The following MX1 variants were observed in gnomAD, a reference collection of about 807,000 sequenced individuals.
MX1 encodes MX dynamin like GTPase 1.
MX1 carries 66 observed loss-of-function variants against 66.4 expected under a neutral mutation model. The observed-to-expected ratio is 0.99, with a 90% CI of 0.82 to 1.22. MX1 has a LOEUF of 1.22. Ranked by LOEUF, MX1 falls within the 50% of genes most tolerant of loss-of-function variation. MX1 has a pLI of 0.00. For synonymous variants in MX1, 311 were observed against 318.1 expected (o/e 0.98, Z 0.24); for missense variants, 787 against 834.3 (o/e 0.94, Z 0.70).
Position 41,441,827 on chromosome 21 carries a change from G to A in MX1, c.842G>A (p.Arg281Gln), listed in dbSNP as rs767203143. The change falls in exon 10 of 17, where the codon CGG becomes CAG. Residue 281 changes from arginine (R) to glutamine (Q), a missense_variant. Physicochemically the swap from Arg to Gln is conservative, Grantham distance 43 (BLOSUM62 1). Coordinates refer to ENST00000398598, the MANE Select transcript of MX1 (RefSeq NM_002462.5). This position sits in a 1 kb window ranked among gnomAD's most constrained non-coding sequence, Gnocchi z 4.0. ...LKKGYMIVKCRGQQEIQDQLS... is the reference protein window; with the variant it reads ...LKKGYMIVKCQGQQEIQDQLS... ...AAGGGTTACATGATTGTCAAGTGCC[G>A]GGGCCAGCAGGAGATCCAGGACCAG... The A allele has an allele frequency of 1.7e-5, 28 of 1,614,060 alleles. No individual in the cohort carries two copies. Among genetic ancestry groups the A allele is most frequent in the African/African-American group, 1.2e-4 (9 of 74,924 alleles).
chr21:41,458,482 T>G, intron 16 of MX1, 46 bp from the exon 17 acceptor site: 1 of 1,609,548 alleles, frequency 6.2e-7, no homozygotes, highest in Non-Finnish European at 8.5e-7. Flanking sequence ...AGTCCCCTCC[T>G]CACAGTGTCC....
chr21:41,428,638 G>T, intron 3 of MX1: 1 of 152,218 alleles, frequency 6.6e-6, no homozygotes, highest in Non-Finnish European at 1.5e-5. Flanking sequence ...CGTGCCACTG[G>T]GTCCTTATTC....
At chr21:41,425,477 T>C (rs2146029077), upstream of MX1, among the ~76,000 whole-genome samples, 2 of 152,298 alleles carry the variant, frequency 1.3e-5, no homozygotes, top group Non-Finnish European at 2.9e-5. Flanking sequence ...CTGTTTTTAC[T>C]TCTTTTGTGG....
intron 14 of MX1, 66 bp from the exon 15 acceptor site, chr21:41,451,101 T>C (rs945423604): frequency 1.7e-5 from 18 of 1,072,502 alleles, no homozygotes; most frequent in Non-Finnish European, 2.4e-5. Flanking sequence ...CCTCATATTT[T>C]TTTGCATCTT....
At chr21:41,440,465 C>A (rs1049036657) in intron 8 of MX1, among the ~76,000 whole-genome samples, 1 of 152,128 alleles carries the variant, frequency 6.6e-6, no homozygotes, top group African/African-American at 2.4e-5. Flanking sequence ...GGCAACAGAG[C>A]AAGAATCTGT....
intron 16 of MX1, among the ~76,000 whole-genome samples, chr21:41,454,468 C>G (rs1298709498): frequency 1.3e-5 from 2 of 152,140 alleles, no homozygotes; most frequent in Non-Finnish European, 2.9e-5. Context: ...TTCAGATTTT[C>G]AGGTTTCTCT....
chr21:41,437,631 C>T (rs1009899814), intron 7 of MX1, among the ~76,000 whole-genome samples: 2 of 152,106 alleles, frequency 1.3e-5, no homozygotes, highest in Non-Finnish European at 2.9e-5. Flanking sequence ...CAGAGTGAGA[C>T]CCTGTCTCAA....
intron 4 of MX1, among the ~76,000 whole-genome samples, 182 bp downstream of exon 4, chr21:41,430,790 GGC>G (rs1227691484): frequency 5.9e-5 from 9 of 152,194 alleles, no homozygotes; most frequent in East Asian, 1.9e-4. Context: ...ACAAGTATAA[GGC>G]AGTCAGTTAC....
Position 41,445,500 on chromosome 21 carries a change from C to CA in MX1, c.1062dup (p.Glu355ArgfsTer16). The CA allele has an allele frequency of 6.2e-7, 1 of 1,614,106 alleles. No homozygotes were observed. The highest frequency in any genetic ancestry group is 1.1e-5 in the South Asian group (1 of 91,082). On this transcript the variant is annotated frameshift_variant, in exon 12 of 17. Coordinates refer to ENST00000398598, the MANE Select transcript of MX1 (RefSeq NM_002462.5). LOFTEE classifies it high-confidence loss of function. ...ATCAAGGAGACTCACCAGAGAATAA[C>CA]AGAGGAGCTACAAAAGTATGGTGTC...
intron 16 of MX1, among the ~76,000 whole-genome samples, chr21:41,455,287 C>T (rs1251815495): frequency 3.3e-5 from 5 of 152,122 alleles, no homozygotes; most frequent in Non-Finnish European, 7.3e-5. Context: ...GGCTCTAAAC[C>T]GAGGGTCAAC....
rs530185925 is a variant in MX1, at chr21:41,439,777, C to G, written c.520C>G (p.Leu174Val). The change falls in exon 8 of 17, where the codon CTG becomes GTG. Residue 174 changes from leucine (L) to valine (V), a missense_variant. Transcript: ENST00000398598. ...GATCAGCTCCCGAGATGTCCCGGAT[C>G]TGACTCTAATAGACCTTCCTGGCAT... ...LEISSRDVPD[L>V]TLIDLPGITR... 1 of 1,614,108 alleles carries G rather than the reference C, an allele frequency of 6.2e-7. No individual in the cohort carries two copies. The highest frequency in any genetic ancestry group is 2.2e-5 in the East Asian group (1 of 44,878).
rs1725195493 is a variant in MX1 at position 41,432,881 on chromosome 21, A to G, written c.105+706A>G. On this transcript the variant is annotated intron_variant, in intron 5 of 16. Coordinates refer to ENST00000398598, the MANE Select transcript of MX1 (RefSeq NM_002462.5). ...AAACAATTTTTCAAACAATATTCAAAAAACATTGAAGCGTTTAGAAAAATA... is the reference window on the plus strand; with the variant it reads ...AAACAATTTTTCAAACAATATTCAAGAAACATTGAAGCGTTTAGAAAAATA... Among the ~76,000 whole-genome samples the G allele has an allele frequency of 2.0e-5, 3 of 152,202 alleles. No homozygotes were observed. The South Asian group carries it at 6.2e-4, about 32-fold the overall frequency.
chr21:41,431,176 C>T (rs531347281), intron 4 of MX1, among the ~76,000 whole-genome samples: 6 of 152,226 alleles, frequency 3.9e-5, no homozygotes, highest in African/African-American at 1.4e-4. Context: ...ACACACACCA[C>T]CACTTCCAGC....
At chr21:41,457,802 A>G (rs1402075362) in intron 16 of MX1, among the ~76,000 whole-genome samples, 1 of 152,082 alleles carries the variant, frequency 6.6e-6, no homozygotes, top group Non-Finnish European at 1.5e-5. Context: ...CATCTCCAGG[A>G]CCCTATCACC....
At chr21:41,449,080 A>G in intron 13 of MX1, 57 bp from the exon 14 acceptor site, 1 of 1,495,432 alleles carries the variant, frequency 6.7e-7, no homozygotes, top group Non-Finnish European at 9.0e-7. Context: ...TGTGTTTAGA[A>G]AAATGTGCAA....
chr21:41,425,932 C>T (rs369268183), upstream of MX1: 57 of 152,776 alleles, frequency 3.7e-4, no homozygotes, highest in African/African-American at 1.3e-3. Flanking sequence ...GGGGGAAGGA[C>T]ATGCCTAGGT....
chr21:41,426,164 C>G (rs1336687931), upstream of MX1: 1 of 164,674 alleles, frequency 6.1e-6, no homozygotes, highest in Non-Finnish European at 1.3e-5. Context: ...AGCACAGGGT[C>G]TGTGAGTTTC....
chr21:41,436,918 C>T, intron 6 of MX1, 97 bp from the exon 7 acceptor site: 1 of 1,443,544 alleles, frequency 6.9e-7, no homozygotes, highest in South Asian at 1.3e-5. Context: ...AATGTCTCCC[C>T]ATATGATTGT....
chr21:41,432,323 G>A, intron 5 of MX1, 148 bp downstream of exon 5: 1 of 714,326 alleles, frequency 1.4e-6, no homozygotes, highest in South Asian at 1.7e-5. Context: ...CCCTCTACTT[G>A]CCAGCTGACA....
Sources: gnomAD v4.1 joint callset for allele counts (sites outside exome capture counted in the v4.1 genomes callset) on GRCh38, gnomAD v4.1.1 for gene constraint, Gnocchi (gnomAD v3.1) non-coding constraint, MANE v1.5 for transcripts, NCBI Gene and HGNC (gene_info 2026-07-23, HGNC 2026-07-21) for gene names.